RABL3: variants seen among roughly 807,000 people sequenced by gnomAD.
RABL3 encodes RAB, member of RAS oncogene family like 3.
Under a neutral mutation model 31.8 loss-of-function variants are expected in RABL3, and 31 were observed. The ratio of observed to expected loss-of-function variants is 0.97; its 90% CI spans 0.73 to 1.31. RABL3 has a LOEUF of 1.31. Among genes scored for constraint, RABL3 ranks in the 40% most tolerant of loss-of-function variants. RABL3 has a pLI of 0.00. For synonymous variants in RABL3, 97 were observed against 99.9 expected (o/e 0.97, Z 0.18); for missense variants, 263 against 279.6 (o/e 0.94, Z 0.42).
intron 4 of RABL3, 52 bp from the exon 5 acceptor site, chr3:120,698,625 A>G (rs1204384461): frequency 6.8e-7 from 1 of 1,460,966 alleles, no homozygotes; most frequent in African/African-American, 1.4e-5. Flanking sequence ...TCTGGTGTAG[A>G]TGTGTAATAT....
chr3:120,723,217 G>C (rs547782872), intron 2 of RABL3, among the ~76,000 whole-genome samples: 3 of 152,116 alleles, frequency 2.0e-5, no homozygotes, highest in South Asian at 2.1e-4. Flanking sequence ...ATAAATTCCT[G>C]GACACATACA....
intron 6 of RABL3, among the ~76,000 whole-genome samples, chr3:120,691,751 G>A (rs188156450): frequency 9.8e-4 from 149 of 152,304 alleles, no homozygotes; most frequent in African/African-American, 3.5e-3. Context: ...CAGATCAGCT[G>A]GAGATGAACT....
intron 4 of RABL3, among the ~76,000 whole-genome samples, chr3:120,700,817 C>T (rs2107578516): frequency 6.6e-6 from 1 of 152,074 alleles, no homozygotes; most frequent in East Asian, 1.9e-4. Flanking sequence ...ATTGTTGAAA[C>T]TAGGCAACGG....
chr3:120,693,716 A>G (rs1708405355), intron 6 of RABL3, among the ~76,000 whole-genome samples: 1 of 152,210 alleles, frequency 6.6e-6, no homozygotes, highest in Admixed American at 6.5e-5. Context: ...GGAAATCAAG[A>G]AGACATTACC....
chr3:120,724,858 C>A (rs1437984387), intron 2 of RABL3, among the ~76,000 whole-genome samples: 10 of 152,008 alleles, frequency 6.6e-5, no homozygotes, highest in Non-Finnish European at 1.5e-4. Context: ...TAGAAGAAAA[C>A]CTAGGCAATA....
chr3:120,704,257 C>A lies in RABL3; in HGVS notation c.383+1743G>T, dbSNP rs183317005. Among the ~76,000 whole-genome samples, 240 of 152,290 alleles carry A rather than the reference C, an allele frequency of 1.6e-3. 2 individuals carry two copies. The highest frequency in any genetic ancestry group is 2.1e-3 in the Non-Finnish European group (145 of 68,024). Reference sequence around the variant, plus strand: ...ATATTTGAAAATCAGTGAATGTAATCCACCAGTATTGAAAATCAGTGAACG... The same window carrying A: ...ATATTTGAAAATCAGTGAATGTAATACACCAGTATTGAAAATCAGTGAACG... On this transcript the variant is annotated intron_variant, in intron 4 of 7. Transcript: ENST00000273375.
At chr3:120,712,626 C>T (rs1355857061) in intron 2 of RABL3, among the ~76,000 whole-genome samples, 1 of 152,182 alleles carries the variant, frequency 6.6e-6, no homozygotes, top group Non-Finnish European at 1.5e-5. Context: ...TCTATCATTT[C>T]ACTAAGCACA....
chr3:120,698,577 T>C lies in RABL3; in HGVS notation c.384-4A>G. 1 of 1,604,664 alleles carries C rather than the reference T, an allele frequency of 6.2e-7. No individual in the cohort carries two copies. The highest frequency in any genetic ancestry group is 8.5e-7 in the Non-Finnish European group (1 of 1,173,818). ...AAACTGTTCTTGATCATAATCCCTG[T>C]GATAAATAATAATGAAGAGGTGAAT... is the stretch of plus-strand genomic sequence containing the variant. On this transcript the variant is annotated splice_polypyrimidine_tract_variant and splice_region_variant and intron_variant, in intron 4 of 7. Coordinates refer to ENST00000273375, the MANE Select transcript of RABL3 (RefSeq NM_173825.5).
intron 4 of RABL3, among the ~76,000 whole-genome samples, chr3:120,702,643 C>T (rs550695333): frequency 2.0e-5 from 3 of 151,792 alleles, no homozygotes; most frequent in East Asian, 3.9e-4. Context: ...CTGCAAGCTC[C>T]GTCTCCCAGG....
intron 3 of RABL3, 81 bp downstream of exon 3, chr3:120,709,699 C>T (rs1708590191): frequency 1.9e-6 from 2 of 1,037,980 alleles, no homozygotes; most frequent in Admixed American, 2.3e-5. Context: ...TAAGATGAGT[C>T]TGGCATGCTA....
chr3:120,733,376 T>C (rs1708911786), intron 1 of RABL3, among the ~76,000 whole-genome samples: 1 of 152,102 alleles, frequency 6.6e-6, no homozygotes, highest in South Asian at 2.1e-4. Context: ...GAGAAGTGTC[T>C]GTTTATGTCC....
At position 120,687,603 on chromosome 3, in the gene RABL3, T is replaced by C. The variant is rs1708326529; in HGVS notation, c.*2220A>G. The stretch of plus-strand genomic sequence containing the variant: ...TTCATTTGCGCAAAAAGCCTTATTA[T>C]GCTGCTGCTAATAATTGCAACAAAT... On this transcript the variant is annotated 3_prime_UTR_variant, in exon 8 of 8. Transcript: ENST00000273375. The C allele has an allele frequency of 1.3e-5, 2 of 152,212 alleles. No homozygotes were observed. The highest frequency in any genetic ancestry group is 2.4e-5 in the African/African-American group (1 of 41,468). 9.4% of individuals were successfully genotyped at this position (152,212 alleles called of 1,614,324 possible).
Position 120,689,885 on chromosome 3 carries a change from G to T in RABL3, c.649C>A (p.Pro217Thr), listed in dbSNP as rs1349129885. 5 of 1,611,186 alleles carry T rather than the reference G, an allele frequency of 3.1e-6. No individual in the cohort carries two copies. Among genetic ancestry groups the T allele is most frequent in the Non-Finnish European group, 4.2e-6 (5 of 1,177,764 alleles). ...AATCTTTTCCGATCAGGAAAGCCTGGAATCTGTAGGCAAGAAAGATAATTG... is the reference window on the plus strand; with the variant it reads ...AATCTTTTCCGATCAGGAAAGCCTGTAATCTGTAGGCAAGAAAGATAATTG... ...RYFLREGNQI[P>T]GFPDRKRFGA... Residue 217 changes from proline (P) to threonine (T), a missense_variant, in exon 8 of 8, where the codon CCA becomes ACA. By Grantham distance (38) the Pro-to-Thr change is conservative. Transcript: ENST00000273375.
chr3:120,724,049 C>T (rs1234660481), intron 2 of RABL3, among the ~76,000 whole-genome samples: 1 of 152,128 alleles, frequency 6.6e-6, no homozygotes, highest in African/African-American at 2.4e-5. Context: ...TCCAGAAAAC[C>T]CCATCGTCTC....
upstream of RABL3, chr3:120,742,576 G>A (rs1709061625): frequency 6.7e-7 from 1 of 1,500,012 alleles, no homozygotes; most frequent in African/African-American, 1.4e-5. Flanking sequence ...GGGCATGGAG[G>A]GCAGAGCCTT....
At chr3:120,719,556 C>T (rs1460866678) in intron 2 of RABL3, among the ~76,000 whole-genome samples, 1 of 152,218 alleles carries the variant, frequency 6.6e-6, no homozygotes, top group Non-Finnish European at 1.5e-5. Flanking sequence ...GATTGTATCT[C>T]GCTCCTGGCT....
chr3:120,706,172 T>C (rs910364833), intron 3 of RABL3, 58 bp from the exon 4 acceptor site: 6 of 1,138,472 alleles, frequency 5.3e-6, no homozygotes, highest in African/African-American at 1.5e-5. Flanking sequence ...CATTTCACAA[T>C]TGGCCAAATG....
chr3:120,702,075 C>T (rs181288776), intron 4 of RABL3, among the ~76,000 whole-genome samples: 74 of 152,238 alleles, frequency 4.9e-4, no homozygotes, highest in Admixed American at 9.2e-4. Flanking sequence ...GCTCATGAAA[C>T]AAGAAAGGGG....
chr3:120,730,589 C>T lies in RABL3; in HGVS notation c.138+107G>A, dbSNP rs376855489. 5 of 738,240 alleles carry T rather than the reference C, an allele frequency of 6.8e-6. No individual in the cohort carries two copies. The Admixed American group carries it at 7.8e-5, about 12-fold the overall frequency. The allele number at this position is 738,240 out of a possible 1,614,324, so 45.7% of individuals were successfully genotyped here. A position where few individuals can be genotyped will look rare whatever the true frequency, so the allele number is the denominator to read the frequency against. On this transcript the variant is annotated intron_variant, in intron 2 of 7. Coordinates refer to ENST00000273375, the MANE Select transcript of RABL3 (RefSeq NM_173825.5). ...GCACATAGTATGAATGTAATAAATC[C>T]CAGCTATTACTATTGATCTTGACCA...
Sources: gnomAD v4.1 joint callset for allele counts (sites outside exome capture counted in the v4.1 genomes callset) on GRCh38, gnomAD v4.1.1 for gene constraint, MANE v1.5 for transcripts, NCBI Gene and HGNC (gene_info 2026-07-23, HGNC 2026-07-21) for gene names.